SLC44A5: variants seen among roughly 807,000 people sequenced by gnomAD.
SLC44A5 encodes the protein solute carrier family 44 member 5, also known as choline transporter-like protein 5.
Under a neutral mutation model 101.8 loss-of-function variants are expected in SLC44A5, and 57 were observed. The observed-to-expected ratio is 0.56, with a 90% confidence interval of 0.45 to 0.70. The LOEUF (loss-of-function observed/expected upper bound fraction) is 0.70. Ranked by LOEUF, SLC44A5 falls within the 30% of genes least tolerant of loss-of-function variation. The probability of loss-of-function intolerance (pLI) is 0.00; values close to 1 mark genes in which losing one functional copy is unlikely to be tolerated. For synonymous variants in SLC44A5, 281 were observed against 290.9 expected, an observed-to-expected ratio of 0.97 and a Z score of 0.35; for missense variants, 737 against 853.1, an observed-to-expected ratio of 0.86 and a Z score of 1.70.
chr1:75,390,460 C>T (rs1172135460), intron 3 of SLC44A5, among the ~76,000 whole-genome samples: 1 of 149,078 alleles, frequency 6.7e-6, no homozygotes, highest in East Asian at 1.9e-4. Flanking sequence ...CATCAATAAG[C>T]TAATTCATCC....
chr1:75,695,311 C>T, the SLC44A5 span, among the ~76,000 whole-genome samples: 1 of 152,104 alleles, frequency 6.6e-6, no homozygotes, highest in African/African-American at 2.4e-5. Context: ...GGTAAATTTA[C>T]AAAATCAGGT....
At chr1:75,535,071 CTTTTT>C (rs34439007) in intron 2 of SLC44A5, among the ~76,000 whole-genome samples, 2 of 139,772 alleles carry the variant, frequency 1.4e-5, no homozygotes, top group Non-Finnish European at 1.6e-5. Context: ...ATTGAAGCTG[CTTTTT>C]TTTTTTTTTT....
At chr1:75,393,439 A>T (rs1661926260) in intron 3 of SLC44A5, among the ~76,000 whole-genome samples, 1 of 152,180 alleles carries the variant, frequency 6.6e-6, no homozygotes, top group Non-Finnish European at 1.5e-5. Flanking sequence ...ACTCTTCTTT[A>T]TCCTGTATAC....
intron 4 of SLC44A5, among the ~76,000 whole-genome samples, chr1:75,306,513 G>A (rs1184557305): frequency 6.6e-6 from 1 of 151,688 alleles, no homozygotes; most frequent in Non-Finnish European, 1.5e-5. Flanking sequence ...CATGCTATCT[G>A]GACATTGCTA....
chr1:75,255,328 C>G (rs1450525337), intron 6 of SLC44A5, among the ~76,000 whole-genome samples: 1 of 151,718 alleles, frequency 6.6e-6, no homozygotes, highest in African/African-American at 2.4e-5. Flanking sequence ...TTTAAAACCT[C>G]TAATATATTC....
intron 4 of SLC44A5, among the ~76,000 whole-genome samples, chr1:75,314,323 T>C (rs931630347): frequency 1.3e-5 from 2 of 152,172 alleles, no homozygotes; most frequent in African/African-American, 4.8e-5. Flanking sequence ...CAGAACGACC[T>C]GTAATCCAAT....
chr1:75,267,873 A>G (rs1651131337), intron 6 of SLC44A5, among the ~76,000 whole-genome samples: 1 of 152,110 alleles, frequency 6.6e-6, no homozygotes, highest in African/African-American at 2.4e-5. Context: ...AGCTGGCCTA[A>G]TTTTTAAATG....
rs141105608 is a variant in SLC44A5, at chr1:75,232,439, T to G, written c.853+1547A>C. Among the ~76,000 whole-genome samples the G allele has an allele frequency of 7.4e-4, 113 of 152,164 alleles. 1 individual carries two copies. The East Asian group carries it at 0.021, about 28-fold the overall frequency. On this transcript the variant is annotated intron_variant, in intron 12 of 23. Transcript: ENST00000370859. ...AGCAGGAACACAAAAACAAGATGTTTAAACAACTTTTTTTTTTGCAGTTTC... is the reference window on the plus strand; with the variant it reads ...AGCAGGAACACAAAAACAAGATGTTGAAACAACTTTTTTTTTTGCAGTTTC...
rs560750976 is a variant in SLC44A5, at chr1:75,487,576, T to C, written c.13+53859A>G. Among the ~76,000 whole-genome samples the C allele has an allele frequency of 2.6e-5, 4 of 152,354 alleles. No homozygotes were observed. In the East Asian group the frequency reaches 7.7e-4, roughly 29 times the overall value. ...AGAGTTGACTCAGAGCTCAATGGAC[T>C]GTGATCATTTCTATGAACCCTCTGA... is the stretch of plus-strand genomic sequence containing the variant. On this transcript the variant is annotated intron_variant, in intron 2 of 23. Transcript: ENST00000370859.
intron 4 of SLC44A5, among the ~76,000 whole-genome samples, chr1:75,306,733 C>CTTTTT (rs771955227): frequency 0.011 from 1,147 of 102,490 alleles, 101 homozygotes; most frequent in African/African-American, 0.039. Context: ...GGTTTCCTTT[C>CTTTTT]TTTTTTTTTT....
intron 6 of SLC44A5, among the ~76,000 whole-genome samples, chr1:75,269,099 C>T (rs6693591): frequency 0.026 from 3,921 of 152,022 alleles, 162 homozygotes; most frequent in African/African-American, 0.083. Context: ...TGGCCAACAC[C>T]GGAAATTTTA....
intron 4 of SLC44A5, among the ~76,000 whole-genome samples, chr1:75,312,393 A>G (rs568059880): frequency 5.9e-5 from 9 of 152,242 alleles, no homozygotes; most frequent in African/African-American, 2.2e-4. Context: ...CCCAAGGTTC[A>G]TGTGTTGGAA....
the SLC44A5 span, among the ~76,000 whole-genome samples, chr1:75,643,053 T>A: frequency 6.6e-6 from 1 of 152,136 alleles, no homozygotes; most frequent in Admixed American, 6.6e-5. Flanking sequence ...TAATTCTGAT[T>A]TGCTAGATTT....
At chr1:75,545,689 C>T (rs1490206118) in intron 1 of SLC44A5, among the ~76,000 whole-genome samples, 1 of 152,100 alleles carries the variant, frequency 6.6e-6, no homozygotes, top group Non-Finnish European at 1.5e-5. Flanking sequence ...TGTAAATATC[C>T]TGTTCCTCTT....
Position 75,299,975 on chromosome 1 carries a change from C to T in SLC44A5, c.175+637G>A, listed in dbSNP as rs542639714. ...AGGTTGCAGTGAGCTGAGATTGCGCCGCTGCACTCCAGCCTGGGAACACAG... is the reference window on the plus strand; with the variant it reads ...AGGTTGCAGTGAGCTGAGATTGCGCTGCTGCACTCCAGCCTGGGAACACAG... On this transcript the variant is annotated intron_variant, in intron 5 of 23. Coordinates refer to ENST00000370859, the MANE Select transcript of SLC44A5 (RefSeq NM_001130058.2). Among the ~76,000 whole-genome samples, 28 of 143,182 alleles carry T rather than the reference C, an allele frequency of 2.0e-4. 1 individual carries two copies. Among genetic ancestry groups the T allele is most frequent in the South Asian group, 1.5e-3 (7 of 4,594 alleles). The allele number at this position is 143,182 out of a possible 152,430, so 93.9% of individuals were successfully genotyped here.
intron 2 of SLC44A5, chr1:75,402,410 A>G (rs753934671): frequency 7.8e-6 from 3 of 383,162 alleles, no homozygotes; most frequent in South Asian, 5.6e-5. Flanking sequence ...ATGGCCAAAT[A>G]GAAACAGCTC....
intron 7 of SLC44A5, among the ~76,000 whole-genome samples, chr1:75,250,302 T>TC (rs1380312835): frequency 1.3e-5 from 2 of 152,160 alleles, no homozygotes; most frequent in Non-Finnish European, 2.9e-5. Context: ...GACCACCAGC[T>TC]CCATCCATGT....
chr1:75,274,327 G>A (rs1036773511), intron 6 of SLC44A5, among the ~76,000 whole-genome samples: 1 of 152,026 alleles, frequency 6.6e-6, no homozygotes, highest in African/African-American at 2.4e-5. Flanking sequence ...AGATTTATGG[G>A]GGGCTGCTTG....
chr1:75,389,048 C>A (rs1382565094), intron 3 of SLC44A5, among the ~76,000 whole-genome samples: 1 of 151,734 alleles, frequency 6.6e-6, no homozygotes, highest in Non-Finnish European at 1.5e-5. Flanking sequence ...TGAGATAAAA[C>A]AGGATTTAAA....
Sources: gnomAD v4.1 joint callset for allele counts (sites outside exome capture counted in the v4.1 genomes callset) on GRCh38, gnomAD v4.1.1 for gene constraint, MANE v1.5 for transcripts, NCBI Gene and HGNC (gene_info 2026-07-23, HGNC 2026-07-21) for gene names.